RBM20: variants seen among roughly 807,000 people sequenced by gnomAD.
RBM20 encodes RNA binding motif protein 20, also known as RNA-binding protein 20.
Under a neutral mutation model 110.1 loss-of-function variants are expected in RBM20, and 51 were observed. The ratio of observed to expected loss-of-function variants is 0.46; its 90% CI spans 0.37 to 0.59. The LOEUF is 0.59. Ranked by LOEUF, RBM20 falls within the 20% of genes least tolerant of loss-of-function variation. RBM20 has a pLI of 0.00. For missense variants in RBM20, 1,512 were observed against 1,574.9 expected (o/e 0.96, Z 0.68); for synonymous variants, 589 against 618.2 (o/e 0.95, Z 0.70).
intron 1 of RBM20, among the ~76,000 whole-genome samples, chr10:110,773,004 G>A (rs970154607): frequency 2.0e-5 from 3 of 152,198 alleles, no homozygotes; most frequent in Non-Finnish European, 2.9e-5. Context: ...CTGAGATCCA[G>A]GGAAACTAAC....
In RBM20 at chr10:110,739,222, C is replaced by T. The variant is rs1843702355; in HGVS notation, c.192-41579C>T. Among the ~76,000 whole-genome samples, 1 of 152,080 alleles carries T rather than the reference C, an allele frequency of 6.6e-6. No individual in the cohort carries two copies. Among genetic ancestry groups the T allele is most frequent in the South Asian group, 2.1e-4 (1 of 4,828 alleles). ...AACTACTTTAGTACAGTTGAGGGCT[C>T]TTGAAGTCATGCTGTGTTTTTAGGA... On this transcript the variant is annotated intron_variant, in intron 1 of 13. Coordinates refer to ENST00000369519, the MANE Select transcript of RBM20 (RefSeq NM_001134363.3). This position sits in a 1 kb window ranked among gnomAD's most constrained non-coding sequence, Gnocchi z 4.1.
chr10:110,783,557 C>T, intron 3 of RBM20, 130 bp downstream of exon 3: 2 of 636,924 alleles, frequency 3.1e-6, no homozygotes, highest in Non-Finnish European at 5.5e-6. Flanking sequence ...AGTTCCTGCC[C>T]TCAAGGAGCT....
intron 1 of RBM20, among the ~76,000 whole-genome samples, chr10:110,676,214 T>C (rs957220637): frequency 2.6e-5 from 4 of 152,200 alleles, no homozygotes; most frequent in African/African-American, 9.7e-5. Context: ...TAAAATCTGG[T>C]GCCAATTGTA....
chr10:110,821,456 G>C lies in RBM20; in HGVS notation c.2837G>C (p.Cys946Ser). ...DQKDKICPET[C>S]LCVTTTLDLD... is the part of the protein sequence containing the mutation. The stretch of plus-strand genomic sequence containing the variant: ...AAAGACAAAATTTGCCCAGAAACAT[G>C]TCTGTGTGTGACAACCACCTTAGAC... Residue 946 changes from cysteine to serine, a missense_variant, in exon 11 of 14, where the codon TGT becomes TCT. Physicochemically the swap from Cys to Ser is moderately radical, Grantham distance 112 (BLOSUM62 -1). Transcript: ENST00000369519. The C allele has an allele frequency of 1.3e-6, 2 of 1,551,840 alleles. No individual in the cohort carries two copies. Among genetic ancestry groups the C allele is most frequent in the Non-Finnish European group, 1.7e-6 (2 of 1,147,036 alleles).
At chr10:110,770,180 T>C (rs1251578448) in intron 1 of RBM20, among the ~76,000 whole-genome samples, 2 of 152,088 alleles carry the variant, frequency 1.3e-5, no homozygotes, top group Non-Finnish European at 2.9e-5. Flanking sequence ...AGGGTGTAGG[T>C]GGTGGTGAGG....
intron 1 of RBM20, among the ~76,000 whole-genome samples, chr10:110,723,676 C>T (rs1448077762): frequency 6.6e-6 from 1 of 152,206 alleles, no homozygotes; most frequent in Non-Finnish European, 1.5e-5. Flanking sequence ...TAGTGACTAA[C>T]AATGTTGAAC....
chr10:110,832,438 TAA>T (rs1845069270), intron 13 of RBM20, among the ~76,000 whole-genome samples: 1 of 152,190 alleles, frequency 6.6e-6, no homozygotes, highest in African/African-American at 2.4e-5. Context: ...ATTCAGGTAC[TAA>T]GTTATATATT....
rs1844351133 is a variant in RBM20 at position 110,781,642 on chromosome 10, C to G, written c.1033C>G (p.Gln345Glu). Reference sequence around the variant, plus strand: ...TCCCATGTGGCCTCCACCCCACAACCAGCCCTATGAGCTGTACGACCCCGA... The same window carrying G: ...TCCCATGTGGCCTCCACCCCACAACGAGCCCTATGAGCTGTACGACCCCGA... Reference protein sequence around the residue: ...AGPMWPPPHNQPYELYDPEEP... With the variant: ...AGPMWPPPHNEPYELYDPEEP... The change falls in exon 2 of 14, where the codon CAG becomes GAG. Residue 345 changes from glutamine (Q) to glutamate (E), a missense_variant. By Grantham distance (29) the Gln-to-Glu change is conservative. This residue lies in a region of RBM20 where 1,149 missense variants were observed against 1,169.4 expected (regional missense o/e 0.98). Transcript: ENST00000369519. 6.5e-7 allele frequency: 1 copy of G among 1,549,392 alleles called. No homozygotes were observed. Among genetic ancestry groups the G allele is most frequent in the Non-Finnish European group, 8.7e-7 (1 of 1,145,336 alleles).
intron 4 of RBM20, 25 bp from the exon 5 acceptor site, chr10:110,784,767 T>C (rs764963198): frequency 6.8e-7 from 1 of 1,462,578 alleles, no homozygotes; most frequent in South Asian, 1.2e-5. Context: ...GGGTTTTCAC[T>C]GACTTTGTGT....
At chr10:110,751,444 C>A (rs551278973) in intron 1 of RBM20, among the ~76,000 whole-genome samples, 1 of 152,188 alleles carries the variant, frequency 6.6e-6, no homozygotes, top group South Asian at 2.1e-4. Context: ...AAAAAACATG[C>A]CCCCCATGTC....
At chr10:110,770,907 C>T (rs551787224) in intron 1 of RBM20, among the ~76,000 whole-genome samples, 6 of 152,312 alleles carry the variant, frequency 3.9e-5, no homozygotes, top group East Asian at 1.9e-4. Context: ...AAAGGAAAAA[C>T]GTGACAAGAA....
At chr10:110,764,206 A>G (rs1462614110) in intron 1 of RBM20, among the ~76,000 whole-genome samples, 1 of 152,142 alleles carries the variant, frequency 6.6e-6, no homozygotes, top group Non-Finnish European at 1.5e-5. Context: ...CTGGATTGCT[A>G]AGGTTTTTAA....
chr10:110,697,389 GT>G (rs1221160281), intron 1 of RBM20, among the ~76,000 whole-genome samples: 2 of 152,214 alleles, frequency 1.3e-5, no homozygotes, highest in Admixed American at 1.3e-4. Flanking sequence ...TTTAAATATG[GT>G]TTTGTTTCTT....
intron 1 of RBM20, among the ~76,000 whole-genome samples, chr10:110,767,572 CG>C (rs1164657574): frequency 4.7e-5 from 7 of 150,318 alleles, no homozygotes; most frequent in Admixed American, 4.0e-4. Context: ...ACTTCTCAGA[CG>C]GGGCGGTTGC....
At chr10:110,829,603 G>A (rs1845023180) in intron 12 of RBM20, among the ~76,000 whole-genome samples, 1 of 152,142 alleles carries the variant, frequency 6.6e-6, no homozygotes, top group African/African-American at 2.4e-5. Context: ...ACTGATAAGT[G>A]GCTATTTTGA....
intron 1 of RBM20, among the ~76,000 whole-genome samples, chr10:110,741,853 C>T (rs2134969570): frequency 6.6e-6 from 1 of 152,188 alleles, no homozygotes; most frequent in Admixed American, 6.5e-5. Context: ...GTACCTCTTC[C>T]AGGATCCTGC....
chr10:110,797,653 G>C lies in RBM20; in HGVS notation c.1668+5G>C. ...CTCATGAAGTCGACTAATCAGGTAG[G>C]TCTGGGTACTTTCACTCCAGTGTAT... On this transcript the variant is annotated splice_donor_5th_base_variant and intron_variant, in intron 6 of 13. Transcript: ENST00000369519. The C allele has an allele frequency of 1.3e-6, 2 of 1,551,698 alleles. No individual in the cohort carries two copies. The highest frequency in any genetic ancestry group is 1.7e-6 in the Non-Finnish European group (2 of 1,146,930).
In RBM20 at chr10:110,790,205, C is replaced by T. The variant is rs145655934; in HGVS notation, c.1527+5316C>T. On this transcript the variant is annotated intron_variant, in intron 5 of 13. Coordinates refer to ENST00000369519, the MANE Select transcript of RBM20 (RefSeq NM_001134363.3). ...TTACTGGCTGTTTCTGGAACACCAT[C>T]TGTCTGCCCTGGCCCTCTGAATGCA... is the stretch of plus-strand genomic sequence containing the variant. Among the ~76,000 whole-genome samples the T allele has an allele frequency of 5.1e-3, 771 of 152,360 alleles. 2 individuals carry two copies. Among genetic ancestry groups the T allele is most frequent in the Middle Eastern group, 0.02 (6 of 294 alleles).
rs1379882102 is a variant in RBM20 at position 110,781,515 on chromosome 10, G to T, written c.906G>T (p.Gly302=). 16 of 1,551,660 alleles carry T rather than the reference G, an allele frequency of 1.0e-5. No individual in the cohort carries two copies. Among genetic ancestry groups the T allele is most frequent in the Non-Finnish European group, 1.4e-5 (16 of 1,146,994 alleles). Residue 302 remains glycine (G), a synonymous_variant, in exon 2 of 14, where the codon GGG becomes GGT. Transcript: ENST00000369519. ...VASGFPAEQA[G]GLKSEVGPLL... is the part of the protein sequence containing the mutation. ...GCGGATTTCCAGCTGAGCAGGCTGG[G>T]GGCCTGAAAAGTGAGGTCGGGCCAC...
Sources: gnomAD v4.1 joint callset for allele counts (sites outside exome capture counted in the v4.1 genomes callset) on GRCh38, gnomAD v4.1.1 for gene constraint, gnomAD v4.1.1 regional missense constraint, Gnocchi (gnomAD v3.1) non-coding constraint, MANE v1.5 for transcripts, NCBI Gene and HGNC (gene_info 2026-07-23, HGNC 2026-07-21) for gene names.